Variants in PDE6B observed in about 807,000 individuals in gnomAD.
PDE6B encodes phosphodiesterase 6B, also known as rod cGMP-specific 3',5'-cyclic phosphodiesterase subunit beta.
PDE6B carries 106 observed loss-of-function variants against 109.0 expected under a neutral mutation model. The ratio of observed to expected loss-of-function variants is 0.97; its 90% confidence interval spans 0.83 to 1.14. PDE6B has a LOEUF of 1.14. Among genes scored for constraint, PDE6B ranks in the 50% most tolerant of loss-of-function variants. The probability of loss-of-function intolerance (pLI) is 0.00; values close to 1 mark genes in which losing one functional copy is unlikely to be tolerated. For synonymous variants in PDE6B, 490 were observed against 471.3 expected (o/e 1.04, Z -0.51); for missense variants, 1,193 against 1,155.6 (o/e 1.03, Z -0.47).
At chr4:654,462 C>CGTGT (rs769380840) in intron 5 of PDE6B, 10 of 573,258 alleles carry the variant, frequency 1.7e-5, no homozygotes, top group African/African-American at 3.7e-5. Context: ...GTGTAGGATG[C>CGTGT]GTGTGTGTGT....
chr4:637,553 A>T (rs970706776), intron 3 of PDE6B, among the ~76,000 whole-genome samples: 1 of 152,074 alleles, frequency 6.6e-6, no homozygotes, highest in African/African-American at 2.4e-5. Flanking sequence ...CCCCTGTCTC[A>T]TTGTGTATTT....
intron 7 of PDE6B, 48 bp downstream of exon 7, chr4:656,054 T>C: frequency 1.6e-6 from 2 of 1,224,154 alleles, no homozygotes; most frequent in Non-Finnish European, 2.4e-6. Flanking sequence ...CCTCACTGGG[T>C]GCGGCGATGT....
At position 662,653 on chromosome 4, in the gene PDE6B, T is replaced by C. The variant is rs908948010; in HGVS notation, c.1832+35T>C. Reference sequence around the variant, plus strand: ...TCAGGGCGGGCATGTGAATTAGCCCTAAATCAACTCCACGCCCTTGGCGTG... The same window carrying C: ...TCAGGGCGGGCATGTGAATTAGCCCCAAATCAACTCCACGCCCTTGGCGTG... On this transcript the variant is annotated intron_variant, in intron 14 of 21. Transcript: ENST00000496514. This position sits in a 1 kb window ranked among gnomAD's most constrained non-coding sequence, Gnocchi z 4.3. 2 of 1,277,202 alleles carry C rather than the reference T, an allele frequency of 1.6e-6. No individual in the cohort carries two copies. Among genetic ancestry groups the C allele is most frequent in the African/African-American group, 2.9e-5 (2 of 68,608 alleles). The allele number at this position is 1,277,202 out of a possible 1,614,324, so 79.1% of individuals were successfully genotyped here.
chr4:630,628 C>T (rs1202182656), intron 1 of PDE6B, among the ~76,000 whole-genome samples: 2 of 152,158 alleles, frequency 1.3e-5, no homozygotes, highest in South Asian at 2.1e-4. Context: ...GCCAGCTGCT[C>T]GCAGAAGCCT....
intron 3 of PDE6B, among the ~76,000 whole-genome samples, chr4:642,095 T>G (rs1016041570): frequency 6.6e-6 from 1 of 152,240 alleles, no homozygotes; most frequent in African/African-American, 2.4e-5. Context: ...AGTATAATGT[T>G]GAATGTGAGT....
intron 1 of PDE6B, among the ~76,000 whole-genome samples, chr4:627,447 G>A (rs551259205): frequency 5.9e-5 from 9 of 152,248 alleles, no homozygotes; most frequent in African/African-American, 1.2e-4. Context: ...CACCAGGCCG[G>A]AAGTGGCAAT....
In PDE6B at chr4:666,715, G is replaced by A. The variant is rs1737846670; in HGVS notation, c.2352+101G>A. 2 of 788,762 alleles carry A rather than the reference G, an allele frequency of 2.5e-6. No individual in the cohort carries two copies. Among genetic ancestry groups the A allele is most frequent in the Non-Finnish European group, 4.5e-6 (2 of 441,648 alleles). 48.9% of individuals were successfully genotyped at this position (788,762 alleles called of 1,614,324 possible). A position where few individuals can be genotyped will look rare whatever the true frequency, so the allele number is the denominator to read the frequency against. On this transcript the variant is annotated intron_variant, in intron 20 of 21. Coordinates refer to ENST00000496514, the MANE Select transcript of PDE6B (RefSeq NM_000283.4). The surrounding 1 kb of genome is among the most constrained non-coding windows in gnomAD (Gnocchi z 5.6). ...CGCGTGGACTCACACGGGCCCGGCG[G>A]TGTCCTCACTGGAGTAGGGATGCCA...
chr4:659,166 C>A, intron 11 of PDE6B, 149 bp downstream of exon 11: 1 of 702,370 alleles, frequency 1.4e-6, no homozygotes. Flanking sequence ...TGTATCTAAG[C>A]ACCTTAGTGT....
chr4:657,280 C>T (rs1736391645), intron 9 of PDE6B, 71 bp from the exon 10 acceptor site: 3 of 1,578,258 alleles, frequency 1.9e-6, no homozygotes, highest in African/African-American at 1.3e-5. Flanking sequence ...GCCACGGGGC[C>T]TGGCACACAG....
chr4:650,001 C>T (rs1279371871), intron 3 of PDE6B, among the ~76,000 whole-genome samples: 3 of 152,234 alleles, frequency 2.0e-5, no homozygotes, highest in Non-Finnish European at 2.9e-5. Context: ...TTAAACCTGA[C>T]CCCAGTCAAT....
At chr4:642,615 G>A (rs531332851) in intron 3 of PDE6B, among the ~76,000 whole-genome samples, 12 of 150,240 alleles carry the variant, frequency 8.0e-5, no homozygotes, top group East Asian at 3.9e-4. Context: ...GCAACATGGC[G>A]AAACACCATC....
chr4:665,204 C>A lies in PDE6B; in HGVS notation c.2194-51C>A, dbSNP rs1208735622. The A allele has an allele frequency of 7.0e-7, 1 of 1,421,764 alleles. No individual in the cohort carries two copies. Among genetic ancestry groups the A allele is most frequent in the Non-Finnish European group, 9.9e-7 (1 of 1,011,270 alleles). The allele number at this position is 1,421,764 out of a possible 1,614,324, so 88.1% of individuals were successfully genotyped here. A position where few individuals can be genotyped will look rare whatever the true frequency, so the allele number is the denominator to read the frequency against. On this transcript the variant is annotated intron_variant, in intron 18 of 21. Transcript: ENST00000496514. This position sits in a 1 kb window ranked among gnomAD's most constrained non-coding sequence, Gnocchi z 4.0. The stretch of plus-strand genomic sequence containing the variant: ...GAGCCTCACGGGGCGGGCCCGGGCC[C>A]TTCCGCGTGGGCTCAGAGCTCCACA...
intron 9 of PDE6B, 52 bp from the exon 10 acceptor site, chr4:657,299 G>A (rs1736393299): frequency 6.2e-7 from 1 of 1,607,198 alleles, no homozygotes. Context: ...AGGCACATGG[G>A]AGGGGGCGCG....
chr4:665,163 A>C lies in PDE6B; in HGVS notation c.2194-92A>C. 1 of 1,013,196 alleles carries C rather than the reference A, an allele frequency of 9.9e-7. No homozygotes were observed. Among genetic ancestry groups the C allele is most frequent in the East Asian group, 2.4e-5 (1 of 41,024 alleles). 62.8% of individuals were successfully genotyped at this position (1,013,196 alleles called of 1,614,324 possible). On this transcript the variant is annotated intron_variant, in intron 18 of 21. Transcript: ENST00000496514. This position sits in a 1 kb window ranked among gnomAD's most constrained non-coding sequence, Gnocchi z 4.0. ...TGGGGACCCCGGGGGTCTGGGGCGGAGAAGACCGAGGCTCGGAGCCTCACG... is the reference window on the plus strand; with the variant it reads ...TGGGGACCCCGGGGGTCTGGGGCGGCGAAGACCGAGGCTCGGAGCCTCACG...
chr4:657,201 G>T (rs980484472), intron 9 of PDE6B, 150 bp from the exon 10 acceptor site: 3 of 1,121,678 alleles, frequency 2.7e-6, no homozygotes, highest in Non-Finnish European at 3.9e-6. Context: ...AGCCTCTGCA[G>T]AGCACCCGGG....
Position 665,894 on chromosome 4 carries a change from G to A in PDE6B, c.2268+565G>A, listed in dbSNP as rs375681548. ...TCACACACCCGCTCTGGTGGGCGGC[G>A]AGGGGCTCTCTGGAGCCTGCAGTGG... On this transcript the variant is annotated intron_variant, in intron 19 of 21. Transcript: ENST00000496514. The surrounding 1 kb of genome is among the most constrained non-coding windows in gnomAD (Gnocchi z 4.0). Among the ~76,000 whole-genome samples, 116 of 152,288 alleles carry A rather than the reference G, an allele frequency of 7.6e-4. No individual in the cohort carries two copies. In the Middle Eastern group the frequency reaches 0.017, roughly 22 times the overall value.
Position 663,667 on chromosome 4 carries a change from G to T in PDE6B, c.1921-103G>T. On this transcript the variant is annotated intron_variant, in intron 15 of 21. Transcript: ENST00000496514. This position sits in a 1 kb window ranked among gnomAD's most constrained non-coding sequence, Gnocchi z 4.0. ...CCCGCCCACCGAGGGCCCGAGGGCGGGGGCGTGAGAGGCACAGGCAGCCGA... is the reference window on the plus strand; with the variant it reads ...CCCGCCCACCGAGGGCCCGAGGGCGTGGGCGTGAGAGGCACAGGCAGCCGA... 1.2e-6 allele frequency: 1 copy of T among 820,510 alleles called. No individual in the cohort carries two copies. The highest frequency in any genetic ancestry group is 2.1e-6 in the Non-Finnish European group (1 of 476,816). The allele number at this position is 820,510 out of a possible 1,614,324, so 50.8% of individuals were successfully genotyped here.
intron 10 of PDE6B, among the ~76,000 whole-genome samples, chr4:657,774 A>G (rs377244180): frequency 5.0e-4 from 40 of 79,404 alleles, no homozygotes; most frequent in South Asian, 1.5e-3. Context: ...ATGGCTGTGC[A>G]GCAGAGGCAG....
intron 20 of PDE6B, 63 bp from the exon 21 acceptor site, chr4:667,793 G>C (rs1737965917): frequency 1.3e-6 from 2 of 1,547,630 alleles, no homozygotes; most frequent in South Asian, 1.1e-5. Context: ...CTGGGGAAGG[G>C]CTATCTTACT....
Sources: gnomAD v4.1 joint callset for allele counts (sites outside exome capture counted in the v4.1 genomes callset) on GRCh38, gnomAD v4.1.1 for gene constraint, Gnocchi (gnomAD v3.1) non-coding constraint, MANE v1.5 for transcripts, NCBI Gene and HGNC (gene_info 2026-07-23, HGNC 2026-07-21) for gene names.